Variants in CLOCK observed in about 807,000 individuals in gnomAD.
CLOCK encodes the protein clock circadian regulator.
Under a neutral mutation model 118.4 loss-of-function variants are expected in CLOCK, and 43 were observed. That is an observed-to-expected ratio of 0.36 (90% confidence interval 0.28 to 0.47). CLOCK has a LOEUF of 0.47. CLOCK is among the 20% of genes least tolerant of loss of function. The pLI, the probability that CLOCK is intolerant of heterozygous loss-of-function variation, is 1.00. For synonymous variants in CLOCK, 326 were observed against 339.2 expected, an observed-to-expected ratio of 0.96 and a Z score of 0.43; for missense variants, 846 against 999.9, an observed-to-expected ratio of 0.85 and a Z score of 2.08.
intron 3 of CLOCK, among the ~76,000 whole-genome samples, chr4:55,483,918 T>C (rs922196069): frequency 4.6e-5 from 7 of 152,198 alleles, no homozygotes; most frequent in Non-Finnish European, 1.0e-4. Context: ...AGGTTGAGTA[T>C]CCCTAATCTG....
At chr4:55,474,730 C>T (rs1560442634) in intron 7 of CLOCK, among the ~76,000 whole-genome samples, 1 of 152,160 alleles carries the variant, frequency 6.6e-6, no homozygotes, top group East Asian at 1.9e-4. Context: ...GAGCAACAAA[C>T]CCTGGATGAC....
chr4:55,515,202 T>C (rs919413601), intron 1 of CLOCK, among the ~76,000 whole-genome samples: 11 of 152,224 alleles, frequency 7.2e-5, no homozygotes, highest in African/African-American at 2.7e-4. Context: ...ATATTTTTAA[T>C]ATAAATGGAA....
intron 19 of CLOCK, among the ~76,000 whole-genome samples, 165 bp downstream of exon 19, chr4:55,444,468 A>G (rs138221837): frequency 1.3e-5 from 2 of 152,366 alleles, no homozygotes; most frequent in African/African-American, 4.8e-5. Context: ...TTATCTTTAG[A>G]GACTGTAAGT....
intron 1 of CLOCK, among the ~76,000 whole-genome samples, chr4:55,519,685 G>A (rs1054379877): frequency 9.2e-5 from 14 of 152,134 alleles, no homozygotes; most frequent in Non-Finnish European, 1.5e-4. Context: ...AGCTGAGGCA[G>A]GAGAACCAAT....
chr4:55,438,894 G>A (rs1723118492), intron 21 of CLOCK, among the ~76,000 whole-genome samples: 2 of 152,254 alleles, frequency 1.3e-5, no homozygotes, highest in Admixed American at 1.3e-4. Context: ...AGAAAACATA[G>A]GGGAAAAGCT....
intron 2 of CLOCK, among the ~76,000 whole-genome samples, chr4:55,497,995 TA>T (rs139560787): frequency 0.25 from 37,239 of 151,438 alleles, 4,913 homozygotes; most frequent in South Asian, 0.37. Flanking sequence ...TTTAGCAACC[TA>T]AAAGAAGTAC....
At chr4:55,537,226 T>G (rs934304435) in intron 1 of CLOCK, among the ~76,000 whole-genome samples, 3 of 152,156 alleles carry the variant, frequency 2.0e-5, no homozygotes, top group Non-Finnish European at 4.4e-5. Context: ...CTCACATCTG[T>G]ATCCCAGCAC....
rs142684096 is a variant in CLOCK at position 55,443,758 on chromosome 4, T to C, written c.1831A>G (p.Met611Val). The C allele has an allele frequency of 3.5e-5, 56 of 1,613,998 alleles. No homozygotes were observed. The African/African-American group carries it at 6.5e-4, about 19-fold the overall frequency. ...GTTGTGCCAATGTGTCCAGTATTCA[T>C]TCCACTTTGAATCTGGTTAGTAGGA... ...VVPTNQIQSG[M>V]NTGHIGTTQH... The change falls in exon 20 of 23, where the codon ATG becomes GTG. Residue 611 changes from methionine (M) to valine (V), a missense_variant. This residue lies in a region of CLOCK where 520 missense variants were observed against 558.0 expected (regional missense o/e 0.93). Coordinates refer to ENST00000513440, the MANE Select transcript of CLOCK (RefSeq NM_004898.4).
chr4:55,467,285 T>A (rs570695995), intron 8 of CLOCK, among the ~76,000 whole-genome samples: 5 of 152,284 alleles, frequency 3.3e-5, no homozygotes, highest in Non-Finnish European at 5.9e-5. Flanking sequence ...AGTAGCACAC[T>A]CATTTTCATA....
chr4:55,475,198 A>C (rs1396972304), intron 7 of CLOCK, among the ~76,000 whole-genome samples: 3 of 152,232 alleles, frequency 2.0e-5, no homozygotes, highest in Non-Finnish European at 4.4e-5. Context: ...GGGGTTCAAG[A>C]TGTCAGTGAA....
intron 2 of CLOCK, among the ~76,000 whole-genome samples, chr4:55,497,827 C>T (rs1426152879): frequency 1.3e-5 from 2 of 152,090 alleles, no homozygotes; most frequent in East Asian, 1.9e-4. Flanking sequence ...CTAATTGTTA[C>T]ACCATAAACA....
At chr4:55,520,168 C>T (rs1018420510) in intron 1 of CLOCK, among the ~76,000 whole-genome samples, 1 of 152,160 alleles carries the variant, frequency 6.6e-6, no homozygotes, top group Non-Finnish European at 1.5e-5. Flanking sequence ...CACAGTATGC[C>T]TTAAATTGGC....
At chr4:55,471,244 T>C (rs1726128467) in intron 7 of CLOCK, among the ~76,000 whole-genome samples, 1 of 152,192 alleles carries the variant, frequency 6.6e-6, no homozygotes. Context: ...TTTAAGGAGA[T>C]ATATGAAGAA....
chr4:55,466,927 T>C (rs779786781), intron 8 of CLOCK, among the ~76,000 whole-genome samples: 1 of 152,172 alleles, frequency 6.6e-6, no homozygotes, highest in Non-Finnish European at 1.5e-5. Flanking sequence ...CATAAATCAG[T>C]AGCCTTTGTT....
intron 7 of CLOCK, among the ~76,000 whole-genome samples, chr4:55,472,161 AC>A (rs1299342629): frequency 6.6e-6 from 1 of 152,234 alleles, no homozygotes; most frequent in Non-Finnish European, 1.5e-5. Context: ...AGAAAGAATG[AC>A]AAAGTGAAGA....
At chr4:55,454,316 C>CA (rs534817167) in intron 13 of CLOCK, among the ~76,000 whole-genome samples, 1 of 151,864 alleles carries the variant, frequency 6.6e-6, no homozygotes, top group African/African-American at 2.4e-5. Flanking sequence ...AGATATTAAA[C>CA]AAAAAAATGG....
intron 2 of CLOCK, among the ~76,000 whole-genome samples, chr4:55,491,234 TAAAAAAAAA>T (rs34441416): frequency 2.3e-5 from 1 of 44,342 alleles, no homozygotes; most frequent in African/African-American, 9.2e-5. Context: ...GCAGGTGTGC[TAAAAAAAAA>T]AAAAAAAAAA....
chr4:55,501,855 T>TCCTTC (rs1448877281), intron 2 of CLOCK: 1 of 152,216 alleles, frequency 6.6e-6, no homozygotes, highest in African/African-American at 2.4e-5. Flanking sequence ...TCTGTTCTGC[T>TCCTTC]CCTTCCCTTC....
intron 1 of CLOCK, among the ~76,000 whole-genome samples, chr4:55,536,002 C>A (rs1730870552): frequency 6.6e-6 from 1 of 152,036 alleles, no homozygotes; most frequent in African/African-American, 2.4e-5. Context: ...GGTGTTCACA[C>A]AGGGCTGGAA....
Sources: allele counts gnomAD v4.1 joint callset (sites outside exome capture counted in the v4.1 genomes callset), GRCh38; gene constraint gnomAD v4.1.1; regional missense constraint gnomAD v4.1.1; transcripts MANE v1.5; gene names NCBI Gene and HGNC (gene_info 2026-07-23, HGNC 2026-07-21).